Variants in AKR1B10 observed in about 807,000 individuals in gnomAD.
AKR1B10 encodes ARP.
A neutral mutation model predicts 38.9 loss-of-function variants in AKR1B10; 39 were observed. The ratio of observed to expected loss-of-function variants is 1.00; its 90% CI spans 0.78 to 1.31. AKR1B10 has a LOEUF of 1.31. AKR1B10 is among the 50% of genes most tolerant of loss of function. AKR1B10 has a pLI of 0.00. For synonymous variants in AKR1B10, 148 were observed against 141.2 expected (o/e 1.05, Z -0.34); for missense variants, 361 against 382.6 (o/e 0.94, Z 0.47).
intron 4 of AKR1B10, 115 bp from the exon 5 acceptor site, chr7:134,536,535 G>T: frequency 2.0e-6 from 3 of 1,472,546 alleles, no homozygotes. Flanking sequence ...GAATGCTTCG[G>T]CTAACCCTGT....
At chr7:134,530,322 A>G (rs1355453790) in intron 1 of AKR1B10, among the ~76,000 whole-genome samples, 1 of 152,222 alleles carries the variant, frequency 6.6e-6, no homozygotes, top group Non-Finnish European at 1.5e-5. Context: ...GATAGGACAT[A>G]AGGACATAAT....
At chr7:134,530,849 G>T in intron 2 of AKR1B10, 39 bp downstream of exon 2, 1 of 1,576,746 alleles carries the variant, frequency 6.3e-7, no homozygotes, top group South Asian at 1.2e-5. Flanking sequence ...TCACTTCAAG[G>T]CAGGCAGAAG....
intron 7 of AKR1B10, 48 bp downstream of exon 7, chr7:134,537,709 T>G (rs750221133): frequency 2.6e-5 from 41 of 1,601,876 alleles, no homozygotes; most frequent in Non-Finnish European, 3.2e-5. Flanking sequence ...ATTCTTCCAG[T>G]CTCGTGTTTC....
Position 134,527,881 on chromosome 7 carries a change from C to A in AKR1B10, c.-31C>A. The A allele has an allele frequency of 3.7e-6, 6 of 1,612,378 alleles. No homozygotes were observed. Among genetic ancestry groups the A allele is most frequent in the Non-Finnish European group, 5.1e-6 (6 of 1,179,852 alleles). On this transcript the variant is annotated 5_prime_UTR_variant, in exon 1 of 10. In the 5' UTR this introduces an upstream ATG that the reference lacks. Transcript: ENST00000359579. ...AGAGAGCAGGACGTGAGACTTCTAC[C>A]TGCTCACTCAGAATCATTTCTGCAC...
Position 134,541,173 on chromosome 7 carries a change from C to G in AKR1B10, c.*84C>G. ...ACCTCCACTCATGTCCCATTTTAGC[C>G]AAGCTTATTTAAGATCACAGTGAAC... On this transcript the variant is annotated 3_prime_UTR_variant, in exon 10 of 10. Coordinates refer to ENST00000359579, the MANE Select transcript of AKR1B10 (RefSeq NM_020299.5). 1.8e-6 allele frequency: 2 copies of G among 1,082,710 alleles called. No individual in the cohort carries two copies. Among genetic ancestry groups the G allele is most frequent in the East Asian group, 2.5e-5 (1 of 40,660 alleles). 67.1% of individuals were successfully genotyped at this position (1,082,710 alleles called of 1,614,324 possible).
intron 9 of AKR1B10, among the ~76,000 whole-genome samples, chr7:134,539,450 A>T (rs1808093192): frequency 6.6e-6 from 1 of 152,160 alleles, no homozygotes; most frequent in African/African-American, 2.4e-5. Context: ...GACAGCAACA[A>T]ATGCTAGACA....
At position 134,533,224 on chromosome 7, in the gene AKR1B10, A is replaced by G. The variant is rs1807911602; in HGVS notation, c.429+143A>G. 5 of 674,700 alleles carry G rather than the reference A, an allele frequency of 7.4e-6. No individual in the cohort carries two copies. The South Asian group carries it at 8.7e-5, about 12-fold the overall frequency. The allele number at this position is 674,700 out of a possible 1,614,324, so 41.8% of individuals were successfully genotyped here. ...TTCTAGCTCTTCTAATATCTTCCTC[A>G]TCACCTTTGGCTTTTGGGTACATCT... On this transcript the variant is annotated intron_variant, in intron 4 of 9. Coordinates refer to ENST00000359579, the MANE Select transcript of AKR1B10 (RefSeq NM_020299.5).
Position 134,541,090 on chromosome 7 carries a change from G to A in AKR1B10, c.*1G>A, listed in dbSNP as rs772724988. On this transcript the variant is annotated 3_prime_UTR_variant, in exon 10 of 10. Transcript: ENST00000359579. ...CTATCCCTTCAATGCAGAATATTGA[G>A]GTTGAATCTCCTGGTGAGATTATAC... 6.3e-7 allele frequency: 1 copy of A among 1,574,850 alleles called. No homozygotes were observed. The highest frequency in any genetic ancestry group is 8.7e-7 in the Non-Finnish European group (1 of 1,145,682).
intron 1 of AKR1B10, among the ~76,000 whole-genome samples, chr7:134,529,764 T>C (rs1160746350): frequency 6.6e-6 from 1 of 152,178 alleles, no homozygotes; most frequent in African/African-American, 2.4e-5. Context: ...GATAATTCTA[T>C]TTCCCTTCTT....
chr7:134,538,326 C>T, intron 8 of AKR1B10, 49 bp downstream of exon 8: 1 of 1,536,014 alleles, frequency 6.5e-7, no homozygotes, highest in Non-Finnish European at 9.0e-7. Context: ...GAGTGGGGGA[C>T]AGGCAGACCT....
At chr7:134,529,301 G>A (rs113012810) in intron 1 of AKR1B10, among the ~76,000 whole-genome samples, 38 of 152,294 alleles carry the variant, frequency 2.5e-4, no homozygotes, top group East Asian at 2.1e-3. Flanking sequence ...CTTGATTCAT[G>A]CAGAGCGTCT....
At chr7:134,531,550 G>T (rs1477458068) in intron 2 of AKR1B10, among the ~76,000 whole-genome samples, 1 of 152,136 alleles carries the variant, frequency 6.6e-6, no homozygotes, top group African/African-American at 2.4e-5. Flanking sequence ...AAAGGCCTAA[G>T]AATGCTTGAC....
chr7:134,531,883 T>C lies in AKR1B10; in HGVS notation c.235-25T>C, dbSNP rs756641916. The C allele has an allele frequency of 9.9e-6, 16 of 1,613,246 alleles. No individual in the cohort carries two copies. The Admixed American group carries it at 2.7e-4, about 27-fold the overall frequency. The stretch of plus-strand genomic sequence containing the variant: ...TGGCCCTTCCTTTTCCCAGTATTAA[T>C]AGCTCATTGCTACACTCTTTGCAGT... On this transcript the variant is annotated intron_variant, in intron 2 of 9. Transcript: ENST00000359579.
intron 1 of AKR1B10, among the ~76,000 whole-genome samples, chr7:134,529,447 G>C (rs1466390662): frequency 6.6e-6 from 1 of 152,162 alleles, no homozygotes; most frequent in Non-Finnish European, 1.5e-5. Flanking sequence ...TTTTGGAATT[G>C]AATGAAAGAA....
Position 134,538,214 on chromosome 7 carries a change from C to G in AKR1B10, c.762C>G (p.Ile254Met). Residue 254 changes from isoleucine to methionine, a missense_variant, in exon 8 of 10, where the codon ATC becomes ATG. By Grantham distance (10) the Ile-to-Met change is conservative. Coordinates refer to ENST00000359579, the MANE Select transcript of AKR1B10 (RefSeq NM_020299.5). ...TAAQVLIRFH[I>M]QRNVIVIPKS... ...CATAGGTTCTGATCCGTTTCCATAT[C>G]CAGAGGAATGTGATTGTCATCCCCA... The G allele has an allele frequency of 1.2e-6, 2 of 1,614,066 alleles. No individual in the cohort carries two copies. Among genetic ancestry groups the G allele is most frequent in the Non-Finnish European group, 1.7e-6 (2 of 1,179,964 alleles).
At position 134,541,091 on chromosome 7, in the gene AKR1B10, G is replaced by T; in HGVS notation, c.*2G>T. 1.3e-6 allele frequency: 2 copies of T among 1,574,436 alleles called. No homozygotes were observed. Among genetic ancestry groups the T allele is most frequent in the South Asian group, 2.2e-5 (2 of 89,874 alleles). ...TATCCCTTCAATGCAGAATATTGAGGTTGAATCTCCTGGTGAGATTATACA... is the reference window on the plus strand; with the variant it reads ...TATCCCTTCAATGCAGAATATTGAGTTTGAATCTCCTGGTGAGATTATACA... On this transcript the variant is annotated 3_prime_UTR_variant, in exon 10 of 10. Transcript: ENST00000359579.
In AKR1B10 at chr7:134,533,300, C is replaced by T. The variant is rs547796200; in HGVS notation, c.429+219C>T. 4.6e-5 allele frequency among the ~76,000 whole-genome samples: 7 copies of T among 152,220 alleles called. No individual in the cohort carries two copies. The East Asian group carries it at 1.3e-3, about 29-fold the overall frequency. On this transcript the variant is annotated intron_variant, in intron 4 of 9. Transcript: ENST00000359579. ...TAGTCTTCAAATAAGACTGGAAATACAATGTACCCCACTTTGGGGAATACA... is the reference window on the plus strand; with the variant it reads ...TAGTCTTCAAATAAGACTGGAAATATAATGTACCCCACTTTGGGGAATACA...
chr7:134,539,136 G>A, intron 9 of AKR1B10, 119 bp downstream of exon 9: 1 of 1,261,806 alleles, frequency 7.9e-7, no homozygotes, highest in African/African-American at 1.5e-5. Context: ...CTATTTTGGG[G>A]CAATTTTGAA....
intron 9 of AKR1B10, among the ~76,000 whole-genome samples, chr7:134,540,303 A>G (rs1808115674): frequency 6.6e-6 from 1 of 152,194 alleles, no homozygotes; most frequent in African/African-American, 2.4e-5. Context: ...TAAGTATCAT[A>G]GGAGCCTTTC....
Sources: gnomAD v4.1 joint callset for allele counts (sites outside exome capture counted in the v4.1 genomes callset) on GRCh38, gnomAD v4.1.1 for gene constraint, MANE v1.5 for transcripts, NCBI Gene and HGNC (gene_info 2026-07-23, HGNC 2026-07-21) for gene names.